The following NAALADL2 variants were observed in gnomAD, a reference collection of about 807,000 sequenced individuals.
NAALADL2 encodes inactive N-acetylated-alpha-linked acidic dipeptidase-like protein 2.
NAALADL2 carries 76 observed loss-of-function variants against 87.2 expected under a neutral mutation model. That is an observed-to-expected ratio of 0.87 (90% CI 0.72 to 1.05). The LOEUF (loss-of-function observed/expected upper bound fraction) is 1.05, where lower values mean the gene tolerates loss of function less well. NAALADL2 is among the 50% of genes least tolerant of loss of function. The pLI is 0.00. For synonymous variants in NAALADL2, 354 were observed against 331.0 expected (o/e 1.07, Z -0.75); for missense variants, 1,089 against 945.8 (o/e 1.15, Z -1.99).
At chr3:175,234,228 C>A (rs573949102) in intron 3 of NAALADL2, 24 bp downstream of exon 3, 21 of 1,600,118 alleles carry the variant, frequency 1.3e-5, no homozygotes, top group Admixed American at 1.7e-5. Context: ...TTGTCTCTGT[C>A]ATTTACAGTG....
At chr3:175,018,621 G>A (rs1287568884) in intron 1 of NAALADL2, among the ~76,000 whole-genome samples, 1 of 152,000 alleles carries the variant, frequency 6.6e-6, no homozygotes, top group African/African-American at 2.4e-5. Flanking sequence ...CATCTACCAT[G>A]ATTACAAAAA....
intron 2 of NAALADL2, among the ~76,000 whole-genome samples, chr3:175,230,588 G>T (rs573002309): frequency 6.6e-6 from 1 of 152,096 alleles, no homozygotes; most frequent in African/African-American, 2.4e-5. Flanking sequence ...TCATTGTAGA[G>T]CGGAAATTAG....
At chr3:175,355,011 G>T (rs1277805915) in intron 5 of NAALADL2, among the ~76,000 whole-genome samples, 5 of 120,082 alleles carry the variant, frequency 4.2e-5, no homozygotes, top group South Asian at 2.7e-4. Context: ...ATATATAATT[G>T]CTATATATAT....
intron 1 of NAALADL2, among the ~76,000 whole-genome samples, chr3:174,950,718 A>G (rs555684278): frequency 1.3e-5 from 2 of 152,298 alleles, no homozygotes; most frequent in East Asian, 3.9e-4. Flanking sequence ...GCATGCCACT[A>G]TAAAAGGCTA....
chr3:174,749,787 C>A (rs1578778196), intron 3 of NAALADL2, among the ~76,000 whole-genome samples: 1 of 152,064 alleles, frequency 6.6e-6, no homozygotes, highest in African/African-American at 2.4e-5. Context: ...ACTCAACATA[C>A]CTAAGATGTA....
rs140698396 is a variant in NAALADL2 at position 174,943,903 on chromosome 3, C to A, written c.43+84453C>A. 3.2e-3 allele frequency among the ~76,000 whole-genome samples: 480 copies of A among 152,286 alleles called. 3 individuals carry two copies. Among genetic ancestry groups the A allele is most frequent in the African/African-American group, 0.011 (458 of 41,566 alleles). On this transcript the variant is annotated intron_variant, in intron 1 of 13. Transcript: ENST00000454872. ...GTGGCAGAGAGACTTTCAGTTGCCC[C>A]TGGAGGCTCTGCCCAGGGAGTTGCT...
chr3:175,796,332 A>C (rs1333580795), intron 13 of NAALADL2, among the ~76,000 whole-genome samples: 2 of 152,160 alleles, frequency 1.3e-5, no homozygotes, highest in Non-Finnish European at 2.9e-5. Context: ...ATTTTAAAGG[A>C]GTCTCCACAC....
At chr3:174,901,656 G>A (rs1457123387) in intron 1 of NAALADL2, among the ~76,000 whole-genome samples, 1 of 152,048 alleles carries the variant, frequency 6.6e-6, no homozygotes, top group African/African-American at 2.4e-5. Context: ...CTAGCCAGCT[G>A]CAAAATCCAA....
intron 1 of NAALADL2, among the ~76,000 whole-genome samples, chr3:174,478,022 A>T (rs1717316705): frequency 6.6e-6 from 1 of 152,188 alleles, no homozygotes; most frequent in Non-Finnish European, 1.5e-5. Flanking sequence ...TTAGTCAAAA[A>T]GAAAAATACC....
chr3:174,750,422 T>G lies in NAALADL2; in HGVS notation c.-9+12676T>G, dbSNP rs1436927897. On this transcript the variant is annotated intron_variant, in intron 3 of 3. Coordinates refer to the NAALADL2 transcript ENST00000434257. ...TCCATTCTTCTTCTTCTTCTTCTTCTTTTTTATTTTATTTTGTTTTTTTTG... is the reference window on the plus strand; with the variant it reads ...TCCATTCTTCTTCTTCTTCTTCTTCGTTTTTATTTTATTTTGTTTTTTTTG... Among the ~76,000 whole-genome samples the G allele has an allele frequency of 2.7e-5, 4 of 146,230 alleles. No homozygotes were observed. In the East Asian group the frequency reaches 8.2e-4, roughly 30 times the overall value.
At chr3:175,016,618 C>T (rs1203547100) in intron 1 of NAALADL2, among the ~76,000 whole-genome samples, 1 of 151,562 alleles carries the variant, frequency 6.6e-6, no homozygotes, top group East Asian at 1.9e-4. Flanking sequence ...AAGAAATCTT[C>T]TTAAATAAGA....
chr3:175,738,270 G>T (rs1365373795), intron 12 of NAALADL2, among the ~76,000 whole-genome samples: 3 of 151,196 alleles, frequency 2.0e-5, no homozygotes, highest in African/African-American at 7.3e-5. Flanking sequence ...TTTTGAGATG[G>T]AATCTCACTG....
chr3:174,566,452 C>G (rs1271434089), intron 2 of NAALADL2, among the ~76,000 whole-genome samples: 2 of 151,712 alleles, frequency 1.3e-5, no homozygotes, highest in Non-Finnish European at 3.0e-5. Context: ...CCTCTTTTTA[C>G]CTGGTTATCT....
At chr3:175,455,698 G>A (rs952383581) in intron 6 of NAALADL2, among the ~76,000 whole-genome samples, 4 of 152,022 alleles carry the variant, frequency 2.6e-5, no homozygotes, top group Admixed American at 2.6e-4. Context: ...AAGTTATGAT[G>A]GCAGAGAATC....
chr3:174,452,394 C>T (rs947241100), intron 1 of NAALADL2, among the ~76,000 whole-genome samples: 11 of 152,154 alleles, frequency 7.2e-5, no homozygotes, highest in African/African-American at 2.4e-4. Context: ...CTGGCACCTG[C>T]TAGCACCCTG....
rs5854642 is a variant in NAALADL2 at position 175,569,914 on chromosome 3, T to TTGTG, written c.1654-6113_1654-6110dup. On this transcript the variant is annotated intron_variant, in intron 9 of 13. Coordinates refer to ENST00000454872, the MANE Select transcript of NAALADL2 (RefSeq NM_207015.3). ...TACAGTAATATATAACTATATGAAT[T>TTGTG]TGTGTGTGTGTGTGTGTATTTGTAG... Among the ~76,000 whole-genome samples, 155 of 149,976 alleles carry TTGTG rather than the reference T, an allele frequency of 1.0e-3. 1 individual carries two copies. The highest frequency in any genetic ancestry group is 9.1e-3 in the South Asian group (43 of 4,732).
intron 1 of NAALADL2, among the ~76,000 whole-genome samples, chr3:174,462,824 ATTGT>A (rs1716293726): frequency 6.6e-6 from 1 of 152,166 alleles, no homozygotes; most frequent in African/African-American, 2.4e-5. Context: ...TATGGTTTTA[ATTGT>A]TTGTGTTTTA....
intron 3 of NAALADL2, among the ~76,000 whole-genome samples, chr3:174,795,409 G>C: frequency 6.6e-6 from 1 of 152,034 alleles, no homozygotes; most frequent in South Asian, 2.1e-4. Flanking sequence ...ATAGTTAAAT[G>C]CCTCAAATAT....
chr3:175,261,923 G>A (rs1477759795), intron 4 of NAALADL2, among the ~76,000 whole-genome samples: 1 of 152,036 alleles, frequency 6.6e-6, no homozygotes, highest in African/African-American at 2.4e-5. Flanking sequence ...CAAGCCTTTG[G>A]AAAGAGCCTG....
Sources: allele counts gnomAD v4.1 joint callset (sites outside exome capture counted in the v4.1 genomes callset), GRCh38; gene constraint gnomAD v4.1.1; transcripts MANE v1.5; gene names NCBI Gene and HGNC (gene_info 2026-07-23, HGNC 2026-07-21).